The following CNTNAP2 variants were observed in gnomAD, a reference collection of about 807,000 sequenced individuals.
The protein encoded by CNTNAP2 is contactin-associated protein-like 2.
In CNTNAP2, 98 loss-of-function variants were observed where a neutral mutation model predicts 155.2. The ratio of observed to expected loss-of-function variants is 0.63; its 90% CI spans 0.54 to 0.75. The LOEUF is 0.75. Ranked by LOEUF, CNTNAP2 falls within the 30% of genes least tolerant of loss-of-function variation. The probability of loss-of-function intolerance (pLI) is 0.00; values close to 1 mark genes in which losing one functional copy is unlikely to be tolerated. For synonymous variants in CNTNAP2, 651 were observed against 631.2 expected (o/e 1.03, Z -0.47); for missense variants, 1,727 against 1,688.1 (o/e 1.02, Z -0.40).
At chr7:147,258,677 G>C (rs907507348) in intron 8 of CNTNAP2, among the ~76,000 whole-genome samples, 4 of 152,142 alleles carry the variant, frequency 2.6e-5, no homozygotes, top group Admixed American at 2.0e-4. Context: ...TGAACATCGA[G>C]ATGATCCAAT....
At chr7:148,227,586 G>C (rs1466082646) in intron 19 of CNTNAP2, among the ~76,000 whole-genome samples, 1 of 152,146 alleles carries the variant, frequency 6.6e-6, no homozygotes, top group Non-Finnish European at 1.5e-5. Context: ...TTCACACAAG[G>C]ACACTGTGGG....
chr7:147,203,009 A>C (rs188445936), intron 8 of CNTNAP2, among the ~76,000 whole-genome samples: 3 of 151,906 alleles, frequency 2.0e-5, no homozygotes, highest in East Asian at 3.9e-4. Flanking sequence ...ACCACAGGAA[A>C]AAAAAAAGCT....
At chr7:146,715,502 G>A (rs1245631216) in intron 1 of CNTNAP2, among the ~76,000 whole-genome samples, 1 of 130,012 alleles carries the variant, frequency 7.7e-6, no homozygotes, top group Admixed American at 6.8e-5. Flanking sequence ...ACCTAATCCA[G>A]CTGGACCTCT....
chr7:146,329,835 TC>T (rs1259178753), intron 1 of CNTNAP2, among the ~76,000 whole-genome samples: 1 of 152,074 alleles, frequency 6.6e-6, no homozygotes, highest in Non-Finnish European at 1.5e-5. Context: ...CCACATTACT[TC>T]CCTGCTCAAG....
chr7:146,511,336 A>C (rs1192409936), intron 1 of CNTNAP2, among the ~76,000 whole-genome samples: 1 of 152,214 alleles, frequency 6.6e-6, no homozygotes, highest in Non-Finnish European at 1.5e-5. Context: ...GTTGAATAAA[A>C]GTAGTGAAAG....
intron 1 of CNTNAP2, among the ~76,000 whole-genome samples, chr7:146,598,618 T>C (rs1169164656): frequency 2.6e-5 from 4 of 152,084 alleles, no homozygotes; most frequent in Admixed American, 2.0e-4. Context: ...TTTTCTGGAA[T>C]ACTTTTGCTT....
chr7:148,338,748 A>G (rs1798168500), intron 21 of CNTNAP2, among the ~76,000 whole-genome samples: 2 of 152,224 alleles, frequency 1.3e-5, no homozygotes, highest in African/African-American at 4.8e-5. Context: ...GCATGCCAGA[A>G]TATTAAGATG....
chr7:146,742,201 ATTTC>A (rs1801730225), intron 1 of CNTNAP2, among the ~76,000 whole-genome samples: 2 of 151,322 alleles, frequency 1.3e-5, no homozygotes, highest in South Asian at 4.2e-4. Context: ...TATTTTATTT[ATTTC>A]TTCATAAACT....
intron 1 of CNTNAP2, among the ~76,000 whole-genome samples, chr7:146,718,556 A>T (rs1213991842): frequency 6.6e-6 from 1 of 152,158 alleles, no homozygotes; most frequent in African/African-American, 2.4e-5. Flanking sequence ...TCACTTAAAG[A>T]GCAATGAAAT....
chr7:146,957,062 G>C (rs1797451836), intron 3 of CNTNAP2, among the ~76,000 whole-genome samples: 1 of 152,108 alleles, frequency 6.6e-6, no homozygotes. Context: ...TCCAAGAAAT[G>C]TGTCATTAGG....
chr7:146,737,166 CA>C (rs1336800175), intron 1 of CNTNAP2, among the ~76,000 whole-genome samples: 1 of 151,892 alleles, frequency 6.6e-6, no homozygotes, highest in Non-Finnish European at 1.5e-5. Context: ...TTTATAGTAA[CA>C]GGCAAAATGT....
intron 3 of CNTNAP2, among the ~76,000 whole-genome samples, chr7:146,935,068 G>A (rs12690893): frequency 0.37 from 55,683 of 152,000 alleles, 10,708 homozygotes; most frequent in Middle Eastern, 0.43. Context: ...ACAATTGAGA[G>A]GCGTCCCTCC....
rs549900191 is a variant in CNTNAP2, at chr7:146,863,301, G to A, written c.402+23397G>A. On this transcript the variant is annotated intron_variant, in intron 3 of 23. Transcript: ENST00000361727. ...AGTTTTAAAAAGGAGCTTTATTATA[G>A]TATTAACTAATTGTTTGTTTATAAG... 1.7e-4 allele frequency among the ~76,000 whole-genome samples: 26 copies of A among 152,184 alleles called. 1 individual carries two copies. The highest frequency in any genetic ancestry group is 6.3e-4 in the African/African-American group (26 of 41,554).
rs189579868 is a variant in CNTNAP2, at chr7:146,999,909, A to G, written c.403-43998A>G. Among the ~76,000 whole-genome samples, 242 of 152,106 alleles carry G rather than the reference A, an allele frequency of 1.6e-3. 1 individual carries two copies. Among genetic ancestry groups the G allele is most frequent in the Admixed American group, 2.2e-3 (33 of 15,250 alleles). On this transcript the variant is annotated intron_variant, in intron 3 of 23. Coordinates refer to ENST00000361727, the MANE Select transcript of CNTNAP2 (RefSeq NM_014141.6). ...TTTTTACCTTCCTGTAAATATTTCTATCTTTCTCCAAGTTTGGAAAGTTTT... is the reference window on the plus strand; with the variant it reads ...TTTTTACCTTCCTGTAAATATTTCTGTCTTTCTCCAAGTTTGGAAAGTTTT...
intron 1 of CNTNAP2, among the ~76,000 whole-genome samples, chr7:146,402,803 A>C (rs1041844104): frequency 6.6e-6 from 1 of 152,088 alleles, no homozygotes; most frequent in African/African-American, 2.4e-5. Context: ...TTTAATAATA[A>C]ATTTCAGTGA....
At position 147,485,429 on chromosome 7, in the gene CNTNAP2, G is replaced by C. The variant is rs183212510; in HGVS notation, c.1671-506G>C. ...GTTATCCAGTGGGAAATAGGTGTTT[G>C]GGAGACTTAGAAATCTTTTCTTTCT... On this transcript the variant is annotated intron_variant, in intron 10 of 23. Transcript: ENST00000361727. Among the ~76,000 whole-genome samples, 249 of 152,212 alleles carry C rather than the reference G, an allele frequency of 1.6e-3. 1 individual carries two copies. The highest frequency in any genetic ancestry group is 5.7e-3 in the African/African-American group (235 of 41,534).
intron 11 of CNTNAP2, among the ~76,000 whole-genome samples, chr7:147,555,586 A>G (rs1160000687): frequency 2.6e-5 from 4 of 152,222 alleles, no homozygotes; most frequent in Non-Finnish European, 5.9e-5. Flanking sequence ...ATATCAAATC[A>G]TTAAAAGTGA....
At chr7:146,996,302 T>G (rs1295754512) in intron 3 of CNTNAP2, among the ~76,000 whole-genome samples, 3 of 152,104 alleles carry the variant, frequency 2.0e-5, no homozygotes, top group Non-Finnish European at 2.9e-5. Context: ...GTAGATGACT[T>G]TAAGTAGTAT....
At chr7:147,266,531 T>G (rs1190305163) in intron 8 of CNTNAP2, among the ~76,000 whole-genome samples, 1 of 152,184 alleles carries the variant, frequency 6.6e-6, no homozygotes, top group Non-Finnish European at 1.5e-5. Context: ...TCTGAGACTA[T>G]TACTATGAAG....
Sources: gnomAD v4.1 joint callset for allele counts (sites outside exome capture counted in the v4.1 genomes callset) on GRCh38, gnomAD v4.1.1 for gene constraint, MANE v1.5 for transcripts, NCBI Gene and HGNC (gene_info 2026-07-23, HGNC 2026-07-21) for gene names.